ARHGAP5: variants seen among roughly 807,000 people sequenced by gnomAD.
ARHGAP5 encodes the protein rho GTPase-activating protein 5.
In ARHGAP5, 23 loss-of-function variants were observed where a neutral mutation model predicts 116.6. That is an observed-to-expected ratio of 0.20 (90% CI 0.14 to 0.28). ARHGAP5 has a LOEUF of 0.28. Among genes scored for constraint, ARHGAP5 ranks in the 10% least tolerant of loss-of-function variants. The pLI is 1.00. For synonymous variants in ARHGAP5, 574 were observed against 602.0 expected, an observed-to-expected ratio of 0.95 and a Z score of 0.68; for missense variants, 1,405 against 1,774.8, an observed-to-expected ratio of 0.79 and a Z score of 3.74.
At chr14:32,128,993 C>G (rs754490456) in intron 3 of ARHGAP5, among the ~76,000 whole-genome samples, 2 of 152,186 alleles carry the variant, frequency 1.3e-5, no homozygotes, top group Non-Finnish European at 1.5e-5. Context: ...TAGAGACTTA[C>G]GCTTTCTAAA....
At chr14:32,101,917 A>G (rs1878809798) in intron 2 of ARHGAP5, among the ~76,000 whole-genome samples, 2 of 152,160 alleles carry the variant, frequency 1.3e-5, no homozygotes, top group Non-Finnish European at 2.9e-5. Flanking sequence ...CAGAAGGTGA[A>G]GGTTGCAGTG....
intron 3 of ARHGAP5, among the ~76,000 whole-genome samples, chr14:32,121,650 G>A (rs965698093): frequency 2.6e-5 from 4 of 152,092 alleles, no homozygotes; most frequent in East Asian, 3.8e-4. Context: ...CATTTAAAGT[G>A]TACAGTTTAT....
rs1881978724 is a variant in ARHGAP5 at position 32,158,128 on chromosome 14, C to T, written c.*3180C>T. 6.6e-6 allele frequency: 1 copy of T among 151,542 alleles called. No individual in the cohort carries two copies. Among genetic ancestry groups the T allele is most frequent in the Admixed American group, 6.6e-5 (1 of 15,212 alleles). 9.4% of individuals were successfully genotyped at this position (151,542 alleles called of 1,614,324 possible). ...ATGCTATGAATAAAACATTAAGAAG[C>T]TGTGTAATTTTAAGTTATAGTTGCC... On this transcript the variant is annotated 3_prime_UTR_variant, in exon 7 of 7. Coordinates refer to ENST00000345122, the MANE Select transcript of ARHGAP5 (RefSeq NM_001030055.2).
intron 1 of ARHGAP5, among the ~76,000 whole-genome samples, chr14:32,086,985 G>GCAA (rs2041835826): frequency 6.6e-6 from 1 of 152,024 alleles, no homozygotes; most frequent in African/African-American, 2.4e-5. Context: ...TGCTACTTTT[G>GCAA]TCTTGGTTTC....
intron 4 of ARHGAP5, among the ~76,000 whole-genome samples, chr14:32,148,138 G>T (rs1184610812): frequency 6.6e-6 from 1 of 151,968 alleles, no homozygotes; most frequent in Non-Finnish European, 1.5e-5. Flanking sequence ...GGGTGACAGA[G>T]CGAGACTGCA....
intron 3 of ARHGAP5, among the ~76,000 whole-genome samples, chr14:32,125,493 C>T (rs1880107268): frequency 6.6e-6 from 1 of 152,120 alleles, no homozygotes. Context: ...ATTTTGGGTA[C>T]CTAGGAGTAG....
At chr14:32,108,124 A>G (rs1879101528) in intron 2 of ARHGAP5, among the ~76,000 whole-genome samples, 1 of 152,176 alleles carries the variant, frequency 6.6e-6, no homozygotes, top group African/African-American at 2.4e-5. Flanking sequence ...GGTCGTGACA[A>G]GCGGTTTAAG....
rs779709204 is a variant in ARHGAP5, at chr14:32,092,504, A to G, written c.1835A>G (p.Asn612Ser). Residue 612 changes from asparagine (N) to serine (S), a missense_variant, in exon 2 of 7, where the codon AAT (asparagine) becomes AGT (serine). Transcript: ENST00000345122. The surrounding 1 kb of genome is among the most constrained non-coding windows in gnomAD (Gnocchi z 4.1). ...GATGGCCTTGCCCAAGAACTAGCAA[A>G]TGAGATAAGGACACAATCCACTGAT... ...GKDGLAQELANEIRTQSTDDE... is the reference protein window; with the variant it reads ...GKDGLAQELASEIRTQSTDDE... 1 of 1,614,036 alleles carries G rather than the reference A, an allele frequency of 6.2e-7. No homozygotes were observed. The highest frequency in any genetic ancestry group is 8.5e-7 in the Non-Finnish European group (1 of 1,179,882).
chr14:32,149,047 G>C (rs1881520691), intron 4 of ARHGAP5, among the ~76,000 whole-genome samples: 1 of 152,014 alleles, frequency 6.6e-6, no homozygotes, highest in Non-Finnish European at 1.5e-5. Context: ...TTGGATTTCA[G>C]ATTTTTTTCA....
Position 32,080,475 on chromosome 14 carries a change from A to T in ARHGAP5, c.-169+3040A>T, listed in dbSNP as rs2041760972. On this transcript the variant is annotated intron_variant, in intron 1 of 6. Coordinates refer to ENST00000345122, the MANE Select transcript of ARHGAP5 (RefSeq NM_001030055.2). ...CAAAGTTAAAAAAAAAATTCCCCTT[A>T]AAAAAAAACAAAACTGATCTGCATT... Among the ~76,000 whole-genome samples the T allele has an allele frequency of 4.0e-5, 6 of 149,960 alleles. 1 individual carries two copies. In the South Asian group the frequency reaches 1.3e-3, roughly 32 times the overall value.
At chr14:32,081,731 A>G (rs1032310300) in intron 1 of ARHGAP5, among the ~76,000 whole-genome samples, 1 of 152,102 alleles carries the variant, frequency 6.6e-6, no homozygotes, top group African/African-American at 2.4e-5. Flanking sequence ...CAGCCTTGGA[A>G]AAACTCTCAC....
In ARHGAP5 at chr14:32,093,878, C is replaced by T. The variant is rs996583080; in HGVS notation, c.3209C>T (p.Pro1070Leu). The change falls in exon 2 of 7, where the codon CCA becomes CTA. Residue 1070 changes from proline to leucine, a missense_variant. This residue lies in a region of ARHGAP5 where 944 missense variants were observed against 1,095.3 expected (regional missense o/e 0.86). Coordinates refer to ENST00000345122, the MANE Select transcript of ARHGAP5 (RefSeq NM_001030055.2). ...KTIEAGIGKN[P>L]RKQTSRVPLA... ...ATTGAAGCTGGTATTGGTAAAAATC[C>T]AAGAAAGCAGACTTCCCGGGTGCCT... 1.2e-5 allele frequency: 20 copies of T among 1,614,028 alleles called. No homozygotes were observed. The highest frequency in any genetic ancestry group is 1.6e-5 in the Non-Finnish European group (19 of 1,179,988).
intron 3 of ARHGAP5, among the ~76,000 whole-genome samples, chr14:32,135,457 C>G (rs1566679644): frequency 6.6e-6 from 1 of 152,216 alleles, no homozygotes; most frequent in South Asian, 2.1e-4. Context: ...GAGTCTCCCT[C>G]TGTTGCCCAG....
intron 3 of ARHGAP5, among the ~76,000 whole-genome samples, chr14:32,136,448 ATTTC>A (rs1419100567): frequency 6.6e-6 from 1 of 152,110 alleles, no homozygotes; most frequent in Non-Finnish European, 1.5e-5. Flanking sequence ...TCAGTACATT[ATTTC>A]TTTTTATGAT....
Position 32,092,955 on chromosome 14 carries a change from TGTG to T in ARHGAP5, c.2290_2292del (p.Val764del), listed in dbSNP as rs1399666624. The T allele has an allele frequency of 3.7e-6, 6 of 1,614,006 alleles. No homozygotes were observed. The highest frequency in any genetic ancestry group is 1.1e-5 in the South Asian group (1 of 91,074). On this transcript the variant is annotated inframe_deletion, in exon 2 of 7. Transcript: ENST00000345122. This position sits in a 1 kb window ranked among gnomAD's most constrained non-coding sequence, Gnocchi z 4.1. ...TGGAATCAGTTAAACACAATTTGGA[TGTG>T]GTGAGCCCAATTCCTGCCAATAAGG...
intron 3 of ARHGAP5, among the ~76,000 whole-genome samples, chr14:32,145,557 C>A (rs1419792014): frequency 6.6e-6 from 1 of 152,038 alleles, no homozygotes; most frequent in African/African-American, 2.4e-5. Context: ...TCTCCAACGC[C>A]CAGTCATGAT....
rs2139157632 is a variant in ARHGAP5 at position 32,154,687 on chromosome 14, C to G, written c.4248C>G (p.Thr1416=). 6.2e-7 allele frequency: 1 copy of G among 1,614,128 alleles called. No homozygotes were observed. Among genetic ancestry groups the G allele is most frequent in the East Asian group, 2.2e-5 (1 of 44,878 alleles). ...ACTTATCCATCTGTTTTTGGCCAAC[C>G]TTGATGAGACCTGATTTTGAAAATC... The part of the protein sequence containing the change: ...ADNLSICFWP[T]LMRPDFENRE... Residue 1416 remains threonine (T), a synonymous_variant, in exon 7 of 7, where the codon ACC becomes ACG. Transcript: ENST00000345122.
Position 32,143,181 on chromosome 14 carries a change from A to G in ARHGAP5, c.3866-3082A>G, listed in dbSNP as rs370304658. Among the ~76,000 whole-genome samples, 46 of 151,970 alleles carry G rather than the reference A, an allele frequency of 3.0e-4. No individual in the cohort carries two copies. The East Asian group carries it at 7.9e-3, about 26-fold the overall frequency. ...TAATGAAAGGGAAAAAAGGTACTCA[A>G]TTAAAAGGCAACATTATTTTAGTTG... is the stretch of plus-strand genomic sequence containing the variant. On this transcript the variant is annotated intron_variant, in intron 3 of 6. Transcript: ENST00000345122.
chr14:32,114,544 T>C (rs1879460710), intron 2 of ARHGAP5, among the ~76,000 whole-genome samples: 1 of 152,136 alleles, frequency 6.6e-6, no homozygotes, highest in Non-Finnish European at 1.5e-5. Context: ...CTGAGTTAGG[T>C]CTTGAGCCAG....
Sources: gnomAD v4.1 joint callset for allele counts (sites outside exome capture counted in the v4.1 genomes callset) on GRCh38, gnomAD v4.1.1 for gene constraint, gnomAD v4.1.1 regional missense constraint, Gnocchi (gnomAD v3.1) non-coding constraint, MANE v1.5 for transcripts, NCBI Gene and HGNC (gene_info 2026-07-23, HGNC 2026-07-21) for gene names.